The following ODR4 variants were observed in gnomAD, a reference collection of about 807,000 sequenced individuals.
ODR4 encodes the protein protein odr-4 homolog.
In ODR4, 47 loss-of-function variants were observed where a neutral mutation model predicts 60.2. That is an observed-to-expected ratio of 0.78 (90% CI 0.62 to 1.00). The LOEUF (loss-of-function observed/expected upper bound fraction) is 1.00. Among genes scored for constraint, ODR4 ranks in the 50% least tolerant of loss-of-function variants. The probability of loss-of-function intolerance (pLI) is 0.00; values close to 1 mark genes in which losing one functional copy is unlikely to be tolerated. For synonymous variants in ODR4, 178 were observed against 175.5 expected (o/e 1.01, Z -0.11); for missense variants, 488 against 530.8 (o/e 0.92, Z 0.79).
chr1:186,384,755 G>A (rs537853296), intron 3 of ODR4, among the ~76,000 whole-genome samples: 1 of 152,150 alleles, frequency 6.6e-6, no homozygotes, highest in South Asian at 2.1e-4. Context: ...AAGATATGCA[G>A]GCTCCTTATG....
intron 5 of ODR4, among the ~76,000 whole-genome samples, 198 bp downstream of exon 5, chr1:186,388,746 A>G (rs1660343766): frequency 6.6e-6 from 1 of 152,186 alleles, no homozygotes; most frequent in Non-Finnish European, 1.5e-5. Context: ...CAAGGTGATA[A>G]AAAGCTTGAG....
intron 12 of ODR4, among the ~76,000 whole-genome samples, chr1:186,416,898 A>G (rs1331225164): frequency 6.6e-6 from 1 of 151,444 alleles, no homozygotes; most frequent in Non-Finnish European, 1.5e-5. Context: ...TCAAGAGCGA[A>G]GTTTACTCTG....
rs916688365 is a variant in ODR4 at position 186,406,135 on chromosome 1, T to C, written c.1053T>C (p.Pro351=). The C allele has an allele frequency of 6.8e-6, 11 of 1,608,314 alleles. 1 individual carries two copies. In the Admixed American group the frequency reaches 8.5e-5, roughly 12 times the overall value. Reference sequence around the variant, plus strand: ...CTTATCGAGTCTTTGTTCCCCTTCCTGGATCCACTGTAATGTTGTGTGATT... The same window carrying C: ...CTTATCGAGTCTTTGTTCCCCTTCCCGGATCCACTGTAATGTTGTGTGATT... ...VLPYRVFVPL[P]GSTVMLCDYK... is the part of the protein sequence containing the mutation. The change falls in exon 12 of 14, where the codon CCT becomes CCC. Residue 351 remains proline (P), a synonymous_variant. Coordinates refer to ENST00000287859, the MANE Select transcript of ODR4 (RefSeq NM_017847.6).
chr1:186,434,969 G>A, the ODR4 span, among the ~76,000 whole-genome samples: 1 of 152,024 alleles, frequency 6.6e-6, no homozygotes. Context: ...TTGGAAGCAG[G>A]GAGTGAACGC....
At chr1:186,411,843 G>A (rs904622205) in intron 12 of ODR4, 1 of 978,006 alleles carries the variant, frequency 1.0e-6, no homozygotes, top group Non-Finnish European at 1.2e-6. Context: ...AGTAGGAAGA[G>A]TTTAATATTA....
Position 186,385,992 on chromosome 1 carries a change from C to G in ODR4, c.239C>G (p.Ser80Cys). The change falls in exon 4 of 14, where the codon TCC (serine) becomes TGC (cysteine). Residue 80 changes from serine to cysteine, a missense_variant. Physicochemically the swap from Ser to Cys is moderately radical, Grantham distance 112. Coordinates refer to ENST00000287859, the MANE Select transcript of ODR4 (RefSeq NM_017847.6). The stretch of plus-strand genomic sequence containing the variant: ...ATAATATATTTCTATTTTTAGGTAT[C>G]CAGAATGCTACCAGGGGGACTTTTA... ...EWATEHACQV[S>C]RMLPGGLLVL... 6.3e-7 allele frequency: 1 copy of G among 1,576,252 alleles called. No homozygotes were observed. The highest frequency in any genetic ancestry group is 8.7e-7 in the Non-Finnish European group (1 of 1,151,788).
chr1:186,428,881 G>T, the ODR4 span, among the ~76,000 whole-genome samples: 3 of 152,222 alleles, frequency 2.0e-5, no homozygotes, highest in East Asian at 3.9e-4. Context: ...TCTTATATGG[G>T]CATGGTTCAT....
At chr1:186,383,762 A>AT (rs1044679016) in intron 3 of ODR4, among the ~76,000 whole-genome samples, 53 of 151,578 alleles carry the variant, frequency 3.5e-4, no homozygotes, top group Admixed American at 5.9e-4. Context: ...TATTTAAAAA[A>AT]AAAATAAAAT....
At position 186,384,296 on chromosome 1, in the gene ODR4, T is replaced by C. The variant is rs573333240; in HGVS notation, c.234+1140T>C. ...AAGGGGTTGGGAGGTGCTAGGCTTT[T>C]TTTTTTAACAACCAGCTCTCGTAGG... is the stretch of plus-strand genomic sequence containing the variant. On this transcript the variant is annotated intron_variant, in intron 3 of 13. Coordinates refer to ENST00000287859, the MANE Select transcript of ODR4 (RefSeq NM_017847.6). 4.1e-4 allele frequency among the ~76,000 whole-genome samples: 62 copies of C among 151,978 alleles called. No individual in the cohort carries two copies. The Middle Eastern group carries it at 0.01, about 25-fold the overall frequency.
At chr1:186,414,916 T>G (rs533504991) in intron 12 of ODR4, among the ~76,000 whole-genome samples, 1 of 152,210 alleles carries the variant, frequency 6.6e-6, no homozygotes, top group Non-Finnish European at 1.5e-5. Context: ...ATTCAATTTT[T>G]AGACCTATGG....
chr1:186,378,803 A>C (rs1020113753), intron 1 of ODR4, among the ~76,000 whole-genome samples: 2 of 152,234 alleles, frequency 1.3e-5, no homozygotes, highest in African/African-American at 4.8e-5. Context: ...CTGGGGTTTT[A>C]TGAATTATTA....
chr1:186,393,978 C>G lies in ODR4; in HGVS notation c.743C>G (p.Thr248Ser), dbSNP rs1234527017. ...TCTTCTAGAGGAAATACTCAAGCAA[C>G]TAGTCATTCTTTTGATGTCAGAGTG... is the stretch of plus-strand genomic sequence containing the variant. ...KKSSRGNTQA[T>S]SHSFDVRVLT... The change falls in exon 9 of 14, where the codon ACT becomes AGT. Residue 248 changes from threonine (T) to serine (S), a missense_variant. Coordinates refer to ENST00000287859, the MANE Select transcript of ODR4 (RefSeq NM_017847.6). 1 of 1,524,042 alleles carries G rather than the reference C, an allele frequency of 6.6e-7. No homozygotes were observed. 94.4% of individuals were successfully genotyped at this position (1,524,042 alleles called of 1,614,324 possible). A position where few individuals can be genotyped will look rare whatever the true frequency, so the allele number is the denominator to read the frequency against.
chr1:186,383,697 A>ATATATATATATATATATG (rs1491030699), intron 3 of ODR4, among the ~76,000 whole-genome samples: 1 of 150,670 alleles, frequency 6.6e-6, no homozygotes, highest in Non-Finnish European at 1.5e-5. Context: ...ATATATATAT[A>ATATATATATATATATATG]TGGACATATA....
At chr1:186,390,415 G>C (rs1374181959) in intron 6 of ODR4, among the ~76,000 whole-genome samples, 1 of 152,160 alleles carries the variant, frequency 6.6e-6, no homozygotes. Context: ...TGATACTGTT[G>C]AAGCTAGAGG....
downstream of ODR4, among the ~76,000 whole-genome samples, chr1:186,424,987 C>A (rs555441744): frequency 5.0e-3 from 749 of 149,180 alleles, 4 homozygotes; most frequent in Non-Finnish European, 7.2e-3. Context: ...AAAAAAAAAA[C>A]CCCTTTTTGA....
intron 6 of ODR4, among the ~76,000 whole-genome samples, 184 bp downstream of exon 6, chr1:186,389,808 G>A (rs1427046212): frequency 6.6e-6 from 1 of 152,058 alleles, no homozygotes; most frequent in African/African-American, 2.4e-5. Context: ...TTTTGTGCGT[G>A]ACAGGGTCTC....
At chr1:186,389,834 C>A (rs1660392217) in intron 6 of ODR4, among the ~76,000 whole-genome samples, 1 of 152,198 alleles carries the variant, frequency 6.6e-6, no homozygotes, top group Admixed American at 6.6e-5. Context: ...CTTGCCCAAG[C>A]TAGAGTGCAG....
At chr1:186,388,387 CTCAT>C in intron 4 of ODR4, 51 bp from the exon 5 acceptor site, 1 of 1,017,532 alleles carries the variant, frequency 9.8e-7, no homozygotes, top group African/African-American at 1.7e-5. Flanking sequence ...TATTTCAACA[CTCAT>C]CTTTTTTTTT....
chr1:186,401,454 C>T, intron 11 of ODR4: 1 of 249,600 alleles, frequency 4.0e-6, no homozygotes, highest in Non-Finnish European at 8.1e-6. Context: ...ACTTTATAGG[C>T]ATCGTCCGTC....
Sources: gnomAD v4.1 joint callset for allele counts (sites outside exome capture counted in the v4.1 genomes callset) on GRCh38, gnomAD v4.1.1 for gene constraint, MANE v1.5 for transcripts, NCBI Gene and HGNC (gene_info 2026-07-23, HGNC 2026-07-21) for gene names.